Variants in THSD7A observed in about 807,000 individuals in gnomAD.
THSD7A encodes thrombospondin type-1 domain-containing protein 7A.
A neutral mutation model predicts 231.3 loss-of-function variants in THSD7A; 96 were observed. The observed-to-expected ratio is 0.41, with a 90% CI of 0.35 to 0.49. THSD7A has a LOEUF of 0.49. THSD7A is among the 20% of genes least tolerant of loss of function. The pLI, the probability that THSD7A is intolerant of heterozygous loss-of-function variation, is 0.05. For synonymous variants in THSD7A, 940 were observed against 743.3 expected (o/e 1.26, Z -4.30); for missense variants, 2,290 against 2,070.2 (o/e 1.11, Z -2.06).
At chr7:11,701,278 C>T (rs1023042817) in intron 1 of THSD7A, among the ~76,000 whole-genome samples, 4 of 151,082 alleles carry the variant, frequency 2.6e-5, no homozygotes, top group African/African-American at 9.7e-5. Flanking sequence ...ATATACAATT[C>T]ATTTTATATA....
At chr7:11,753,483 G>A (rs913939117) in intron 1 of THSD7A, among the ~76,000 whole-genome samples, 3 of 151,800 alleles carry the variant, frequency 2.0e-5, no homozygotes, top group Non-Finnish European at 2.9e-5. Flanking sequence ...TAAACTTAGG[G>A]GGTGGAAAGT....
At chr7:11,678,195 G>A (rs1457801408) in intron 1 of THSD7A, among the ~76,000 whole-genome samples, 3 of 152,152 alleles carry the variant, frequency 2.0e-5, no homozygotes, top group Non-Finnish European at 4.4e-5. Context: ...AGCTAAAGCG[G>A]TGTCTAGAGG....
At chr7:11,487,471 T>C (rs758701713) in intron 6 of THSD7A, among the ~76,000 whole-genome samples, 5 of 152,178 alleles carry the variant, frequency 3.3e-5, no homozygotes, top group African/African-American at 4.8e-5. Context: ...TGAGCAAGAA[T>C]GCAAAAATTA....
At chr7:11,439,403 G>C (rs940806741) in intron 13 of THSD7A, among the ~76,000 whole-genome samples, 1 of 151,834 alleles carries the variant, frequency 6.6e-6, no homozygotes, top group Non-Finnish European at 1.5e-5. Context: ...TTGTGTCTCC[G>C]TGTCACATTT....
chr7:11,387,767 G>A (rs531357709), intron 23 of THSD7A, among the ~76,000 whole-genome samples: 1 of 152,254 alleles, frequency 6.6e-6, no homozygotes, highest in East Asian at 1.9e-4. Context: ...TCGTAAGAGA[G>A]GGCATCCTTG....
intron 16 of THSD7A, among the ~76,000 whole-genome samples, chr7:11,418,949 T>C (rs897777280): frequency 6.6e-6 from 1 of 151,782 alleles, no homozygotes; most frequent in Non-Finnish European, 1.5e-5. Flanking sequence ...AGAATCTGAG[T>C]TTCCCAGGAA....
intron 17 of THSD7A, among the ~76,000 whole-genome samples, chr7:11,413,372 T>C (rs774342674): frequency 6.6e-6 from 1 of 151,882 alleles, no homozygotes; most frequent in Non-Finnish European, 1.5e-5. Flanking sequence ...AGAGAAACCT[T>C]GAAAACTGAG....
intron 17 of THSD7A, among the ~76,000 whole-genome samples, chr7:11,415,352 T>A (rs570952069): frequency 3.2e-4 from 49 of 152,306 alleles, no homozygotes; most frequent in African/African-American, 1.2e-3. Flanking sequence ...CCATAGAAGA[T>A]TCATAGGTAA....
intron 19 of THSD7A, among the ~76,000 whole-genome samples, chr7:11,408,150 G>C (rs927954838): frequency 6.6e-6 from 1 of 152,102 alleles, no homozygotes; most frequent in African/African-American, 2.4e-5. Context: ...ATAAGATGAG[G>C]TTTCAAATTC....
chr7:11,587,857 T>G, intron 4 of THSD7A, among the ~76,000 whole-genome samples: 1 of 152,208 alleles, frequency 6.6e-6, no homozygotes, highest in East Asian at 1.9e-4. Flanking sequence ...TTGCTTTCAG[T>G]ATTTTTTTGT....
chr7:11,691,495 G>C (rs1211869266), intron 1 of THSD7A, among the ~76,000 whole-genome samples: 1 of 151,256 alleles, frequency 6.6e-6, no homozygotes. Flanking sequence ...TTCCAATCAG[G>C]TAATACTTGC....
In THSD7A at chr7:11,566,965, T is replaced by TAGGGA; in HGVS notation, c.1453+23494_1453+23495insTCCCT. Among the ~76,000 whole-genome samples, 3 of 92,306 alleles carry TAGGGA rather than the reference T, an allele frequency of 3.3e-5. 1 individual carries two copies. The highest frequency in any genetic ancestry group is 6.3e-5 in the Non-Finnish European group (3 of 47,660). The allele number at this position is 92,306 out of a possible 152,430, so 60.6% of individuals were successfully genotyped here. Reference sequence around the variant, plus strand: ...CAAAGTGGATCCAGCTGTGGGAGAGTGGGGGGGGGACTGACCAACAAAGTT... The same window carrying TAGGGA: ...CAAAGTGGATCCAGCTGTGGGAGAGTAGGGAGGGGGGGGGACTGACCAACAAAGTT... On this transcript the variant is annotated intron_variant, in intron 4 of 27. Coordinates refer to ENST00000423059, the MANE Select transcript of THSD7A (RefSeq NM_015204.3).
In THSD7A at chr7:11,600,218, C is replaced by T. The variant is rs531190762; in HGVS notation, c.1023-6716G>A. 3.3e-5 allele frequency among the ~76,000 whole-genome samples: 5 copies of T among 152,122 alleles called. No homozygotes were observed. In the East Asian group the frequency reaches 5.8e-4, roughly 18 times the overall value. ...GAAAAAAAATTAATATGTGCCTAAA[C>T]ATTCTTTTTAATATCACTTGAAACT... On this transcript the variant is annotated intron_variant, in intron 2 of 27. Transcript: ENST00000423059.
At chr7:11,776,555 T>G (rs376531192) in intron 1 of THSD7A, among the ~76,000 whole-genome samples, 2 of 152,254 alleles carry the variant, frequency 1.3e-5, no homozygotes, top group South Asian at 4.1e-4. Flanking sequence ...ATTATGGTGC[T>G]TGAAGCACTG....
At chr7:11,524,453 A>G (rs1036395205) in intron 6 of THSD7A, among the ~76,000 whole-genome samples, 12 of 152,330 alleles carry the variant, frequency 7.9e-5, no homozygotes, top group Admixed American at 3.9e-4. Flanking sequence ...CATTCAGAAT[A>G]ACACTTGGGT....
chr7:11,755,124 G>T (rs1376488232), intron 1 of THSD7A, among the ~76,000 whole-genome samples: 1 of 151,978 alleles, frequency 6.6e-6, no homozygotes, highest in Non-Finnish European at 1.5e-5. Context: ...CAGTGCTACT[G>T]GTCTCTAGGG....
chr7:11,653,492 G>T (rs1782587937), intron 1 of THSD7A, among the ~76,000 whole-genome samples: 1 of 142,856 alleles, frequency 7.0e-6, no homozygotes, highest in African/African-American at 2.7e-5. Context: ...GTGTGTGTGT[G>T]TGTGTTTTCC....
chr7:11,481,871 G>C lies in THSD7A; in HGVS notation c.1934C>G (p.Ser645Cys). 1 of 1,613,772 alleles carries C rather than the reference G, an allele frequency of 6.2e-7. No homozygotes were observed. The highest frequency in any genetic ancestry group is 1.1e-5 in the South Asian group (1 of 91,074). ...TTTCCCTGAGCAGGTGTGTGAGCAG[G>C]AGGACCACGTAGACCATGTGCTGAG... is the stretch of plus-strand genomic sequence containing the variant. ...CVLSTWSTWS[S>C]CSHTCSGKTT... The change falls in exon 7 of 28, where the codon TCC becomes TGC. Residue 645 changes from serine to cysteine, a missense_variant. Ser to Cys is a moderately radical substitution (Grantham distance 112, BLOSUM62 -1). Transcript: ENST00000423059.
At chr7:11,677,063 G>A (rs190047549) in intron 1 of THSD7A, among the ~76,000 whole-genome samples, 1 of 152,170 alleles carries the variant, frequency 6.6e-6, no homozygotes, top group Non-Finnish European at 1.5e-5. Context: ...ACTAACATTG[G>A]ATCTCTCTGC....
Sources: allele counts gnomAD v4.1 joint callset (sites outside exome capture counted in the v4.1 genomes callset), GRCh38; gene constraint gnomAD v4.1.1; transcripts MANE v1.5; gene names NCBI Gene and HGNC (gene_info 2026-07-23, HGNC 2026-07-21).